Variants in DCC observed in about 807,000 individuals in gnomAD.
The protein encoded by DCC is DCC netrin 1 receptor.
Under a neutral mutation model 172.5 loss-of-function variants are expected in DCC, and 58 were observed. The ratio of observed to expected loss-of-function variants is 0.34; its 90% CI spans 0.27 to 0.42. The LOEUF (loss-of-function observed/expected upper bound fraction) is 0.42. Among genes scored for constraint, DCC ranks in the 10% least tolerant of loss-of-function variants. DCC has a pLI of 1.00. For missense variants in DCC, 1,740 were observed against 1,791.0 expected (o/e 0.97, Z 0.51); for synonymous variants, 709 against 644.5 (o/e 1.10, Z -1.52).
chr18:52,675,340 C>A (rs539226189), intron 1 of DCC, among the ~76,000 whole-genome samples: 1 of 152,256 alleles, frequency 6.6e-6, no homozygotes, highest in African/African-American at 2.4e-5. Flanking sequence ...TAAATGTGAG[C>A]CACCATGCCC....
chr18:53,533,294 A>G lies in DCC; in HGVS notation c.*2641A>G, dbSNP rs1348752642. ...GACTTCCTCCTACTGAGTCTAGTTCATGGTATCCAGGACTCTTTATGCTCA... is the reference window on the plus strand; with the variant it reads ...GACTTCCTCCTACTGAGTCTAGTTCGTGGTATCCAGGACTCTTTATGCTCA... On this transcript the variant is annotated 3_prime_UTR_variant, in exon 29 of 29. Coordinates refer to ENST00000442544, the MANE Select transcript of DCC (RefSeq NM_005215.4). 1 of 152,138 alleles carries G rather than the reference A, an allele frequency of 6.6e-6. No individual in the cohort carries two copies. The highest frequency in any genetic ancestry group is 1.9e-4 in the East Asian group (1 of 5,186). The allele number at this position is 152,138 out of a possible 1,614,324, so 9.4% of individuals were successfully genotyped here. A position where few individuals can be genotyped will look rare whatever the true frequency, so the allele number is the denominator to read the frequency against.
At chr18:53,115,851 G>A (rs558777088) in intron 7 of DCC, among the ~76,000 whole-genome samples, 4 of 151,414 alleles carry the variant, frequency 2.6e-5, no homozygotes, top group Non-Finnish European at 5.9e-5. Context: ...TCTTTAAGAC[G>A]AATATTTTTC....
chr18:52,529,714 A>T (rs991589787), intron 1 of DCC, among the ~76,000 whole-genome samples: 1 of 152,188 alleles, frequency 6.6e-6, no homozygotes, highest in Non-Finnish European at 1.5e-5. Flanking sequence ...CATGCCAAGG[A>T]CTTGCAGATA....
intron 1 of DCC, among the ~76,000 whole-genome samples, chr18:52,644,823 G>T (rs1347598569): frequency 7.2e-6 from 1 of 139,176 alleles, no homozygotes; most frequent in South Asian, 2.6e-4. Context: ...GAGGGAGGGA[G>T]GGAGGGAGGG....
Position 53,486,817 on chromosome 18 carries a change from G to T in DCC, c.3757G>T (p.Val1253Leu). ...TGCAGCTGTCGTGAGCGCCATCCCG[G>T]TGCCAACGCTAGAAAGTGCCCAGTA... ...NNPAVVSAIP[V>L]PTLESAQYPG... The change falls in exon 26 of 29, where the codon GTG becomes TTG. Residue 1253 changes from valine to leucine, a missense_variant. By Grantham distance (32) the Val-to-Leu change is conservative. This residue lies in a region of DCC where 1,732 missense variants were observed against 1,767.4 expected (regional missense o/e 0.98). Coordinates refer to ENST00000442544, the MANE Select transcript of DCC (RefSeq NM_005215.4). 3 of 1,614,072 alleles carry T rather than the reference G, an allele frequency of 1.9e-6. No individual in the cohort carries two copies. Among genetic ancestry groups the T allele is most frequent in the Non-Finnish European group, 2.5e-6 (3 of 1,180,006 alleles).
chr18:53,428,316 T>C (rs867459873), intron 21 of DCC, among the ~76,000 whole-genome samples: 1 of 16,822 alleles, frequency 5.9e-5, no homozygotes, highest in African/African-American at 1.2e-4. Context: ...GAATATAATA[T>C]ATAATATAAT....
chr18:53,200,531 G>A (rs552320991), intron 9 of DCC, among the ~76,000 whole-genome samples: 47 of 152,294 alleles, frequency 3.1e-4, no homozygotes, highest in African/African-American at 1.1e-3. Context: ...ACTCAATGGA[G>A]TGTGTACTGG....
chr18:52,414,662 T>C (rs575476143), intron 1 of DCC, among the ~76,000 whole-genome samples: 145 of 152,302 alleles, frequency 9.5e-4, no homozygotes, highest in African/African-American at 3.4e-3. Flanking sequence ...AATAAAGCCA[T>C]GAGACTCATG....
At chr18:53,386,548 C>A (rs1908182784) in intron 16 of DCC, among the ~76,000 whole-genome samples, 1 of 152,128 alleles carries the variant, frequency 6.6e-6, no homozygotes. Context: ...ACACTTGCTT[C>A]TCCACACAGG....
intron 14 of DCC, among the ~76,000 whole-genome samples, chr18:53,333,745 A>C (rs565026521): frequency 1.3e-5 from 2 of 152,320 alleles, no homozygotes; most frequent in East Asian, 3.9e-4. Flanking sequence ...CAATAACATG[A>C]TCTTAATTGC....
intron 5 of DCC, among the ~76,000 whole-genome samples, chr18:53,005,331 TTA>T (rs1397251210): frequency 4.6e-5 from 7 of 152,188 alleles, no homozygotes; most frequent in Admixed American, 4.6e-4. Context: ...CTTTTTCACT[TTA>T]TATTATAGGT....
chr18:52,555,710 T>A (rs940506478), intron 1 of DCC, among the ~76,000 whole-genome samples: 1 of 152,118 alleles, frequency 6.6e-6, no homozygotes, highest in South Asian at 2.1e-4. Flanking sequence ...AAGAAGACTG[T>A]TTTTTAAAAA....
intron 27 of DCC, among the ~76,000 whole-genome samples, chr18:53,501,024 G>T (rs1363519739): frequency 1.3e-5 from 2 of 152,092 alleles, no homozygotes; most frequent in African/African-American, 4.8e-5. Flanking sequence ...TGAAATTCTG[G>T]TGCCAAGAGT....
chr18:53,132,941 C>G (rs561085426), intron 7 of DCC, among the ~76,000 whole-genome samples: 115 of 152,312 alleles, frequency 7.6e-4, no homozygotes, highest in African/African-American at 2.6e-3. Flanking sequence ...AGTGCCTGCA[C>G]CACTGTGGTG....
intron 25 of DCC, among the ~76,000 whole-genome samples, chr18:53,476,224 G>C (rs1322745548): frequency 6.6e-6 from 1 of 152,160 alleles, no homozygotes; most frequent in African/African-American, 2.4e-5. Context: ...GTGGACTTTT[G>C]AGTTAATGCT....
intron 5 of DCC, among the ~76,000 whole-genome samples, chr18:52,986,667 A>C (rs767607778): frequency 6.6e-6 from 1 of 151,776 alleles, no homozygotes; most frequent in Non-Finnish European, 1.5e-5. Flanking sequence ...TTTCAGTAGG[A>C]TTTTTAGAAG....
chr18:53,491,732 G>A (rs2045961926), intron 26 of DCC, among the ~76,000 whole-genome samples: 2 of 152,136 alleles, frequency 1.3e-5, no homozygotes, highest in African/African-American at 2.4e-5. Flanking sequence ...ATCGTTGATG[G>A]GCATTTGGAT....
At chr18:52,346,242 C>CA (rs1272657901) in intron 1 of DCC, among the ~76,000 whole-genome samples, 1 of 152,062 alleles carries the variant, frequency 6.6e-6, no homozygotes, top group African/African-American at 2.4e-5. Flanking sequence ...TAGGTAATAG[C>CA]AAAAAATAAA....
At chr18:52,598,909 C>T (rs184453029) in intron 1 of DCC, among the ~76,000 whole-genome samples, 5 of 152,178 alleles carry the variant, frequency 3.3e-5, no homozygotes, top group East Asian at 3.9e-4. Flanking sequence ...GCCGTGTCCT[C>T]CTATGGCAGA....
Sources: gnomAD v4.1 joint callset for allele counts (sites outside exome capture counted in the v4.1 genomes callset) on GRCh38, gnomAD v4.1.1 for gene constraint, gnomAD v4.1.1 regional missense constraint, MANE v1.5 for transcripts, NCBI Gene and HGNC (gene_info 2026-07-23, HGNC 2026-07-21) for gene names.